The following C4orf17 variants were observed in gnomAD, a reference collection of about 807,000 sequenced individuals.
C4orf17 encodes chromosome 4 open reading frame 17.
In C4orf17, 25 loss-of-function variants were observed where a neutral mutation model predicts 32.0. The observed-to-expected ratio is 0.78, with a 90% confidence interval of 0.57 to 1.09. The LOEUF (loss-of-function observed/expected upper bound fraction) is 1.09, where lower values mean the gene tolerates loss of function less well. C4orf17 is among the 50% of genes least tolerant of loss of function. The pLI, the probability that C4orf17 is intolerant of heterozygous loss-of-function variation, is 0.00. For missense variants in C4orf17, 420 were observed against 420.0 expected, an observed-to-expected ratio of 1.00 and a Z score of 0.00; for synonymous variants, 149 against 145.8, an observed-to-expected ratio of 1.02 and a Z score of -0.16.
At chr4:99,533,374 AT>A (rs977298402) in intron 5 of C4orf17, among the ~76,000 whole-genome samples, 1 of 152,312 alleles carries the variant, frequency 6.6e-6, no homozygotes, top group Non-Finnish European at 1.5e-5. Flanking sequence ...TCAGCAAAAT[AT>A]ATACAGAAAT....
chr4:99,518,586 G>A (rs1723235900), intron 2 of C4orf17, among the ~76,000 whole-genome samples: 1 of 100,858 alleles, frequency 9.9e-6, no homozygotes, highest in Non-Finnish European at 1.9e-5. Flanking sequence ...GAGAGAGAGG[G>A]AGGGAGACAG....
At chr4:99,512,943 G>C (rs1723120070) in intron 1 of C4orf17, 46 bp from the exon 2 acceptor site, 2 of 802,646 alleles carry the variant, frequency 2.5e-6, no homozygotes, top group Non-Finnish European at 3.9e-6. Flanking sequence ...ATATAAGAAA[G>C]TGACAAGAAA....
intron 6 of C4orf17, 120 bp from the exon 7 acceptor site, chr4:99,539,043 A>G: frequency 2.2e-6 from 2 of 910,914 alleles, no homozygotes; most frequent in South Asian, 1.6e-5. Flanking sequence ...CCACATAGGT[A>G]ACTATCCAGA....
chr4:99,526,860 C>T (rs1723396149), intron 4 of C4orf17, among the ~76,000 whole-genome samples: 1 of 151,862 alleles, frequency 6.6e-6, no homozygotes, highest in African/African-American at 2.4e-5. Context: ...TGTCTTGTAG[C>T]TAGAGGTTTG....
In C4orf17 at chr4:99,512,997, C is replaced by A; in HGVS notation, c.-85C>A. 1.4e-6 allele frequency: 2 copies of A among 1,423,356 alleles called. No homozygotes were observed. Among genetic ancestry groups the A allele is most frequent in the Non-Finnish European group, 2.0e-6 (2 of 1,020,478 alleles). The allele number at this position is 1,423,356 out of a possible 1,614,324, so 88.2% of individuals were successfully genotyped here. Reference sequence around the variant, plus strand: ...TCATTTTGTGATTTCAGGGTCTGAGCACATCTGGAAGTGAGGTCAATCAAG... The same window carrying A: ...TCATTTTGTGATTTCAGGGTCTGAGAACATCTGGAAGTGAGGTCAATCAAG... On this transcript the variant is annotated 5_prime_UTR_variant, in exon 2 of 9. Coordinates refer to ENST00000326581, the MANE Select transcript of C4orf17 (RefSeq NM_032149.3).
chr4:99,511,157 G>A lies in C4orf17; in HGVS notation c.-209G>A, dbSNP rs963825952. On this transcript the variant is annotated 5_prime_UTR_variant, in exon 1 of 9. Coordinates refer to ENST00000326581, the MANE Select transcript of C4orf17 (RefSeq NM_032149.3). ...CCAACTAAAAACTTCTAGCTTAAGT[G>A]CAGAGATTTAAGGAGATCAACAAAA... 1 of 152,138 alleles carries A rather than the reference G, an allele frequency of 6.6e-6. No individual in the cohort carries two copies. The highest frequency in any genetic ancestry group is 1.5e-5 in the Non-Finnish European group (1 of 68,004). The allele number at this position is 152,138 out of a possible 1,614,324, so 9.4% of individuals were successfully genotyped here. A position where few individuals can be genotyped will look rare whatever the true frequency, so the allele number is the denominator to read the frequency against.
In C4orf17 at chr4:99,518,544, T is replaced by TAGAGAG. The variant is rs70958313; in HGVS notation, c.128-3921_128-3916dup. 2.7e-3 allele frequency among the ~76,000 whole-genome samples: 98 copies of TAGAGAG among 36,774 alleles called. 1 individual carries two copies. Among genetic ancestry groups the TAGAGAG allele is most frequent in the South Asian group, 4.6e-3 (3 of 646 alleles). The allele number at this position is 36,774 out of a possible 152,430, so 24.1% of individuals were successfully genotyped here. A position where few individuals can be genotyped will look rare whatever the true frequency, so the allele number is the denominator to read the frequency against. On this transcript the variant is annotated intron_variant, in intron 2 of 8. Coordinates refer to ENST00000326581, the MANE Select transcript of C4orf17 (RefSeq NM_032149.3). ...ATATATATATATATATATATATATA[T>TAGAGAG]AGAGAGAGAGAGAGAGAGAGAGAGA...
At chr4:99,518,540 T>TAG (rs1560585526) in intron 2 of C4orf17, among the ~76,000 whole-genome samples, 55 of 68,794 alleles carry the variant, frequency 8.0e-4, no homozygotes, top group South Asian at 1.1e-3. Context: ...TATATATATA[T>TAG]ATATAGAGAG....
At chr4:99,527,009 TG>T (rs1033538704) in intron 4 of C4orf17, among the ~76,000 whole-genome samples, 12 of 151,718 alleles carry the variant, frequency 7.9e-5, no homozygotes, top group South Asian at 2.1e-4. Flanking sequence ...GATTTGAGAC[TG>T]TTTTTTTCTA....
At chr4:99,512,742 C>T (rs1035918023) in intron 1 of C4orf17, among the ~76,000 whole-genome samples, 1 of 152,084 alleles carries the variant, frequency 6.6e-6, no homozygotes, top group African/African-American at 2.4e-5. Flanking sequence ...ATACTTTATA[C>T]TTTTTACAAA....
intron 2 of C4orf17, among the ~76,000 whole-genome samples, chr4:99,515,529 A>G (rs1723165825): frequency 6.6e-6 from 1 of 152,060 alleles, no homozygotes; most frequent in Admixed American, 6.6e-5. Context: ...GGAACAACAC[A>G]CACTGGGGCC....
At chr4:99,531,198 G>A (rs1166542593) in intron 5 of C4orf17, among the ~76,000 whole-genome samples, 1 of 150,920 alleles carries the variant, frequency 6.6e-6, no homozygotes, top group Non-Finnish European at 1.5e-5. Flanking sequence ...CTCTCTCCTC[G>A]CCCCACTCCC....
intron 3 of C4orf17, among the ~76,000 whole-genome samples, chr4:99,524,092 GC>G (rs1273627866): frequency 6.8e-6 from 1 of 147,642 alleles, no homozygotes; most frequent in Non-Finnish European, 1.5e-5. Context: ...CCATTCTCCT[GC>G]CTCAGCCTCC....
chr4:99,523,462 T>C (rs1723331368), intron 3 of C4orf17, among the ~76,000 whole-genome samples: 1 of 152,222 alleles, frequency 6.6e-6, no homozygotes, highest in Non-Finnish European at 1.5e-5. Flanking sequence ...TATGGACATA[T>C]ACTGTTCTAA....
chr4:99,542,001 G>T lies in C4orf17; in HGVS notation c.972G>T (p.Arg324Ser). The change falls in exon 9 of 9, where the codon AGG becomes AGT. Residue 324 changes from arginine to serine, a missense_variant. Coordinates refer to ENST00000326581, the MANE Select transcript of C4orf17 (RefSeq NM_032149.3). The part of the protein sequence containing the change: ...EYFSKPNSPP[R>S]PNTQESGSAK... ...TCAGCAAACCAAATTCTCCTCCCAG[G>T]CCTAACACTCAGGAGAGTGGATCAG... The T allele has an allele frequency of 6.2e-7, 1 of 1,613,824 alleles. No individual in the cohort carries two copies. The highest frequency in any genetic ancestry group is 8.5e-7 in the Non-Finnish European group (1 of 1,179,856).
At chr4:99,536,689 T>C (rs759290845) in intron 5 of C4orf17, among the ~76,000 whole-genome samples, 5 of 152,218 alleles carry the variant, frequency 3.3e-5, no homozygotes, top group Admixed American at 6.5e-5. Context: ...TCAGATTATG[T>C]AGAGGAGCAG....
intron 6 of C4orf17, among the ~76,000 whole-genome samples, chr4:99,538,453 T>C (rs1047586882): frequency 2.6e-5 from 4 of 152,220 alleles, no homozygotes; most frequent in African/African-American, 9.6e-5. Context: ...CACTGATCAA[T>C]GCTAGCAAGT....
At chr4:99,536,182 T>G (rs1578195698) in intron 5 of C4orf17, 1 of 242,748 alleles carries the variant, frequency 4.1e-6, no homozygotes, top group Non-Finnish European at 8.2e-6. Flanking sequence ...TATTGGGAGG[T>G]ATTACCGGGT....
At chr4:99,515,410 C>A (rs1254538650) in intron 2 of C4orf17, among the ~76,000 whole-genome samples, 1 of 152,098 alleles carries the variant, frequency 6.6e-6, no homozygotes, top group Non-Finnish European at 1.5e-5. Flanking sequence ...ATGGATGGAG[C>A]TGGAAGCCAT....
Sources: allele counts gnomAD v4.1 joint callset (sites outside exome capture counted in the v4.1 genomes callset), GRCh38; gene constraint gnomAD v4.1.1; transcripts MANE v1.5; gene names NCBI Gene and HGNC (gene_info 2026-07-23, HGNC 2026-07-21).